The following ABCB9 variants were observed in gnomAD, a reference collection of about 807,000 sequenced individuals.
ABCB9 encodes the protein ATP binding cassette subfamily B member 9, also known as ABC-type oligopeptide transporter ABCB9.
Under a neutral mutation model 62.0 loss-of-function variants are expected in ABCB9, and 36 were observed. That is an observed-to-expected ratio of 0.58 (90% CI 0.45 to 0.77). ABCB9 has a LOEUF of 0.77. Among genes scored for constraint, ABCB9 ranks in the 30% least tolerant of loss-of-function variants. The pLI, the probability that ABCB9 is intolerant of heterozygous loss-of-function variation, is 0.00. For missense variants in ABCB9, 943 were observed against 1,054.7 expected (o/e 0.89, Z 1.47); for synonymous variants, 435 against 461.4 (o/e 0.94, Z 0.73).
downstream of ABCB9, chr12:122,924,844 C>T: frequency 6.5e-7 from 1 of 1,533,368 alleles, no homozygotes; most frequent in African/African-American, 1.4e-5. Context: ...GTGACATTTG[C>T]TAAATTAATT....
chr12:122,971,386 C>CAA (rs1325058090), upstream of ABCB9, among the ~76,000 whole-genome samples: 365 of 53,874 alleles, frequency 6.8e-3, 3 homozygotes, highest in African/African-American at 0.016. Flanking sequence ...GACTCCATCT[C>CAA]AAAAAAAAAA....
In ABCB9 at chr12:122,930,697, C is replaced by T. The variant is rs1051173619; in HGVS notation, c.2041-526G>A. On this transcript the variant is annotated intron_variant, in intron 11 of 11. Coordinates refer to ENST00000280560, the MANE Select transcript of ABCB9 (RefSeq NM_019625.4). The surrounding 1 kb of genome is among the most constrained non-coding windows in gnomAD (Gnocchi z 4.9). ...GTGCTGGGATTACAGGTGTGAGCCA[C>T]CGCGCCTGGCCTTCCTTGTTTCTTA... Among the ~76,000 whole-genome samples, 6 of 151,918 alleles carry T rather than the reference C, an allele frequency of 3.9e-5. No homozygotes were observed. The highest frequency in any genetic ancestry group is 1.2e-4 in the African/African-American group (5 of 41,340).
Position 122,959,369 on chromosome 12 carries a change from CAATA to C in ABCB9, c.601+262_601+265del, listed in dbSNP as rs780292694. ...TATGTTTCGAAAAAATAAATAAATACAATAAATAAATAAATAAATAAAATAGAAA... is the reference window on the plus strand; with the variant it reads ...TATGTTTCGAAAAAATAAATAAATACAATAAATAAATAAATAAAATAGAAA... On this transcript the variant is annotated intron_variant, in intron 2 of 11. Coordinates refer to ENST00000280560, the MANE Select transcript of ABCB9 (RefSeq NM_019625.4). This position sits in a 1 kb window ranked among gnomAD's most constrained non-coding sequence, Gnocchi z 5.4. Among the ~76,000 whole-genome samples the C allele has an allele frequency of 2.0e-5, 3 of 151,554 alleles. No homozygotes were observed. The highest frequency in any genetic ancestry group is 7.3e-5 in the African/African-American group (3 of 41,316).
downstream of ABCB9, chr12:122,924,628 G>A: frequency 6.9e-7 from 1 of 1,452,572 alleles, no homozygotes; most frequent in South Asian, 1.3e-5. Context: ...AAACTCTAAT[G>A]TGGGAAAGAA....
At chr12:122,936,402 TAC>T in intron 9 of ABCB9, among the ~76,000 whole-genome samples, 1 of 152,340 alleles carries the variant, frequency 6.6e-6, no homozygotes, top group South Asian at 2.1e-4. Flanking sequence ...CAAGATTCAT[TAC>T]AACTATGAGA....
rs1409384936 is a variant in ABCB9, at chr12:122,959,514, T to G, written c.601+121A>C. The stretch of plus-strand genomic sequence containing the variant: ...ATATGAGCCACTATGCCTGGCCTCT[T>G]TTCCTTTTCATATCAATTTGATGTC... On this transcript the variant is annotated intron_variant, in intron 2 of 11. Coordinates refer to ENST00000280560, the MANE Select transcript of ABCB9 (RefSeq NM_019625.4). The surrounding 1 kb of genome is among the most constrained non-coding windows in gnomAD (Gnocchi z 5.4). 5 of 1,473,012 alleles carry G rather than the reference T, an allele frequency of 3.4e-6. No individual in the cohort carries two copies. The allele number at this position is 1,473,012 out of a possible 1,614,324, so 91.2% of individuals were successfully genotyped here. A position where few individuals can be genotyped will look rare whatever the true frequency, so the allele number is the denominator to read the frequency against.
rs1212747887 is a variant in ABCB9, at chr12:122,929,203, G to A, written c.*708C>T. 2.0e-5 allele frequency: 20 copies of A among 986,052 alleles called. No homozygotes were observed. The highest frequency in any genetic ancestry group is 4.7e-5 in the South Asian group (1 of 21,298). The allele number at this position is 986,052 out of a possible 1,614,324, so 61.1% of individuals were successfully genotyped here. A position where few individuals can be genotyped will look rare whatever the true frequency, so the allele number is the denominator to read the frequency against. On this transcript the variant is annotated 3_prime_UTR_variant, in exon 12 of 12. Coordinates refer to ENST00000280560, the MANE Select transcript of ABCB9 (RefSeq NM_019625.4). This position sits in a 1 kb window ranked among gnomAD's most constrained non-coding sequence, Gnocchi z 6.0. ...AGCCAGGGGTGGGTGGACGAGGGGCGAAAGCGCTGGGTGCCGGGCTGGGGG... is the reference window on the plus strand; with the variant it reads ...AGCCAGGGGTGGGTGGACGAGGGGCAAAAGCGCTGGGTGCCGGGCTGGGGG...
intron 5 of ABCB9, chr12:122,948,048 T>A (rs972927351): frequency 6.6e-5 from 10 of 152,580 alleles, no homozygotes; most frequent in Non-Finnish European, 1.5e-4. Flanking sequence ...ATCCTCCACC[T>A]CAGCATCCCA....
chr12:122,946,079 G>A lies in ABCB9; in HGVS notation c.1197C>T (p.Tyr399=). The A allele has an allele frequency of 6.2e-7, 1 of 1,613,960 alleles. No homozygotes were observed. Among genetic ancestry groups the A allele is most frequent in the Non-Finnish European group, 8.5e-7 (1 of 1,180,024 alleles). The change falls in exon 6 of 12, where the codon TAC becomes TAT. Residue 399 remains tyrosine (Y), a synonymous_variant. Transcript: ENST00000280560. ...EVYLRKLQQV[Y]KLNRKEAAAY... ...CAGCTGCCTCCTTCCTGTTCAGCTT[G>A]TACACCTGCTGCAGCTTCCGCAGGT...
exon 12 of ABCB9, chr12:122,921,004 T>A: frequency 6.5e-7 from 1 of 1,533,778 alleles, no homozygotes; most frequent in Non-Finnish European, 8.7e-7. Context: ...TCATCATCAA[T>A]CCATCTCGGT....
At position 122,932,448 on chromosome 12, in the gene ABCB9, G is replaced by C; in HGVS notation, c.1904-120C>G. 7.5e-7 allele frequency: 1 copy of C among 1,331,620 alleles called. No homozygotes were observed. Among genetic ancestry groups the C allele is most frequent in the Non-Finnish European group, 1.0e-6 (1 of 1,000,802 alleles). The allele number at this position is 1,331,620 out of a possible 1,614,324, so 82.5% of individuals were successfully genotyped here. A position where few individuals can be genotyped will look rare whatever the true frequency, so the allele number is the denominator to read the frequency against. On this transcript the variant is annotated intron_variant, in intron 10 of 11. Transcript: ENST00000280560. This position sits in a 1 kb window ranked among gnomAD's most constrained non-coding sequence, Gnocchi z 4.7. ...GCGGGCTGGAACCCACAACTTGAAA[G>C]CTCATGAAATGATGTTCCCCCCACC...
intron 2 of ABCB9, among the ~76,000 whole-genome samples, chr12:122,957,045 T>C (rs1180635891): frequency 6.6e-6 from 1 of 152,072 alleles, no homozygotes; most frequent in Non-Finnish European, 1.5e-5. Flanking sequence ...TCCTATTTTT[T>C]TTTTTTTCTT....
rs2035717688 is a variant in ABCB9, at chr12:122,940,841, G to C, written c.1535C>G (p.Thr512Ser). ...GRVDFENVTF[T>S]YRTRPHTQVL... ...CTGGGTGTGGGGCCGAGTGCGGTAG[G>C]TGAAGGTCACATTCTCAAAGTCCAC... Residue 512 changes from threonine to serine, a missense_variant, in exon 8 of 12, where the codon ACC (threonine) becomes AGC (serine). Thr to Ser is a moderately conservative substitution (Grantham distance 58). Coordinates refer to ENST00000280560, the MANE Select transcript of ABCB9 (RefSeq NM_019625.4). The surrounding 1 kb of genome is among the most constrained non-coding windows in gnomAD (Gnocchi z 4.8). The C allele has an allele frequency of 5.6e-6, 9 of 1,608,518 alleles. No homozygotes were observed. The African/African-American group carries it at 6.7e-5, about 12-fold the overall frequency.
chr12:122,967,555 C>T (rs554826022), upstream of ABCB9, among the ~76,000 whole-genome samples: 19 of 152,228 alleles, frequency 1.2e-4, no homozygotes, highest in East Asian at 1.2e-3. Context: ...GTGGCGAGTT[C>T]TCAGCTCACT....
chr12:122,924,843 G>A (rs1441879015), downstream of ABCB9: 2 of 1,533,376 alleles, frequency 1.3e-6, no homozygotes, highest in Non-Finnish European at 1.7e-6. Flanking sequence ...AGTGACATTT[G>A]CTAAATTAAT....
chr12:122,955,505 C>T (rs1454766247), intron 2 of ABCB9, among the ~76,000 whole-genome samples: 1 of 152,202 alleles, frequency 6.6e-6, no homozygotes, highest in East Asian at 1.9e-4. Flanking sequence ...TGAGTCAGAC[C>T]TGGCCCCTGC....
At chr12:122,925,722 T>C (rs1027272765), downstream of ABCB9, among the ~76,000 whole-genome samples, 4 of 152,086 alleles carry the variant, frequency 2.6e-5, no homozygotes, top group African/African-American at 9.7e-5. Context: ...CACTCCAACC[T>C]GGGCGACAGA....
chr12:122,959,510 CT>C lies in ABCB9; in HGVS notation c.601+124del. ...ATAGATATGAGCCACTATGCCTGGC[CT>C]CTTTTCCTTTTCATATCAATTTGAT... On this transcript the variant is annotated intron_variant, in intron 2 of 11. Coordinates refer to ENST00000280560, the MANE Select transcript of ABCB9 (RefSeq NM_019625.4). The surrounding 1 kb of genome is among the most constrained non-coding windows in gnomAD (Gnocchi z 5.4). The C allele has an allele frequency of 6.9e-7, 1 of 1,457,614 alleles. No homozygotes were observed. Among genetic ancestry groups the C allele is most frequent in the Non-Finnish European group, 9.2e-7 (1 of 1,089,480 alleles). The allele number at this position is 1,457,614 out of a possible 1,614,324, so 90.3% of individuals were successfully genotyped here.
chr12:122,940,903 G>A lies in ABCB9; in HGVS notation c.1473C>T (p.His491=), dbSNP rs750831094. ...EFIDRQPTMV[H]DGSLAPDHLE... ...GGTGGTCGGGGGCCAAGCTGCCATCGTGCACCATGGTCGGCTGCCGGTCGA... is the reference window on the plus strand; with the variant it reads ...GGTGGTCGGGGGCCAAGCTGCCATCATGCACCATGGTCGGCTGCCGGTCGA... Residue 491 remains histidine, a synonymous_variant, in exon 8 of 12, where the codon CAC becomes CAT. Transcript: ENST00000280560. This position sits in a 1 kb window ranked among gnomAD's most constrained non-coding sequence, Gnocchi z 4.8. 31 of 1,612,166 alleles carry A rather than the reference G, an allele frequency of 1.9e-5. No individual in the cohort carries two copies. The highest frequency in any genetic ancestry group is 1.6e-4 in the Middle Eastern group (1 of 6,082).
Sources: allele counts gnomAD v4.1 joint callset (sites outside exome capture counted in the v4.1 genomes callset), GRCh38; gene constraint gnomAD v4.1.1; non-coding constraint Gnocchi (gnomAD v3.1); transcripts MANE v1.5; gene names NCBI Gene and HGNC (gene_info 2026-07-23, HGNC 2026-07-21).